Variants in GRIN2D observed in about 807,000 individuals in gnomAD.
GRIN2D encodes the protein glutamate receptor ionotropic, NMDA 2D.
In GRIN2D, 37 loss-of-function variants were observed where a neutral mutation model predicts 103.2. That is an observed-to-expected ratio of 0.36 (90% confidence interval 0.28 to 0.47). The LOEUF (loss-of-function observed/expected upper bound fraction) is 0.47. GRIN2D is among the 20% of genes least tolerant of loss of function. The pLI is 1.00. For missense variants in GRIN2D, 1,557 were observed against 1,910.6 expected (o/e 0.81, Z 3.45); for synonymous variants, 845 against 885.6 (o/e 0.95, Z 0.81).
chr19:48,433,911 C>G (rs2147468233), intron 11 of GRIN2D, among the ~76,000 whole-genome samples: 1 of 151,778 alleles, frequency 6.6e-6, no homozygotes. Context: ...GAAGGCCTCC[C>G]TTGGACCAGT....
intron 4 of GRIN2D, among the ~76,000 whole-genome samples, chr19:48,411,670 TAAG>T (rs888394018): frequency 1.5e-4 from 22 of 151,254 alleles, no homozygotes; most frequent in African/African-American, 5.3e-4. Flanking sequence ...AATAAATAAA[TAAG>T]AAGAATAGTT....
chr19:48,406,400 G>A (rs1377205738), intron 4 of GRIN2D, among the ~76,000 whole-genome samples: 1 of 152,212 alleles, frequency 6.6e-6, no homozygotes, highest in Non-Finnish European at 1.5e-5. Context: ...GAAGCTCTGG[G>A]AGTGGAAAAA....
chr19:48,441,891 C>T lies in GRIN2D; in HGVS notation c.2375C>T (p.Ala792Val). The T allele has an allele frequency of 6.2e-7, 1 of 1,613,336 alleles. No individual in the cohort carries two copies. The highest frequency in any genetic ancestry group is 8.5e-7 in the Non-Finnish European group (1 of 1,179,998). ...TTCGCCACGACAGGCTATGGCATCG[C>T]CCTGCACAAGGGCTCCCGCTGGAAG... is the stretch of plus-strand genomic sequence containing the variant. ...KVFATTGYGI[A>V]LHKGSRWKRP... Residue 792 changes from alanine (A) to valine (V), a missense_variant, in exon 12 of 14, where the codon GCC (alanine) becomes GTC (valine). By Grantham distance (64) the Ala-to-Val change is moderately conservative. Around this residue, in one of 7 missense-constraint regions of GRIN2D, gnomAD observed 138 missense variants for 270.2 expected, o/e 0.51. Coordinates refer to ENST00000263269, the MANE Select transcript of GRIN2D (RefSeq NM_000836.4).
rs1240050094 is a variant in GRIN2D, at chr19:48,394,367, C to T, written c.-305-291C>T. ...AGGAAGGGGCAAGCAGTTCCCCAAG[C>T]AGGCAATCTCCCGCTCCTCACACGC... On this transcript the variant is annotated intron_variant, in intron 1 of 13. Transcript: ENST00000263269. The surrounding 1 kb of genome is among the most constrained non-coding windows in gnomAD (Gnocchi z 5.1). Among the ~76,000 whole-genome samples, 1 of 149,970 alleles carries T rather than the reference C, an allele frequency of 6.7e-6. No homozygotes were observed. The highest frequency in any genetic ancestry group is 2.5e-5 in the African/African-American group (1 of 40,564).
intron 11 of GRIN2D, among the ~76,000 whole-genome samples, chr19:48,424,709 C>A (rs142058373): frequency 6.6e-6 from 1 of 152,274 alleles, no homozygotes; most frequent in African/African-American, 2.4e-5. Flanking sequence ...GCATTTTACA[C>A]TCACAGCACA....
intron 11 of GRIN2D, among the ~76,000 whole-genome samples, chr19:48,425,911 C>T (rs976124901): frequency 3.3e-5 from 5 of 152,194 alleles, no homozygotes; most frequent in East Asian, 1.9e-4. Flanking sequence ...GTGAATTTCC[C>T]GGCTTCTCAT....
At position 48,415,992 on chromosome 19, in the gene GRIN2D, C is replaced by A; in HGVS notation, c.1582-10C>A. 1 of 1,612,002 alleles carries A rather than the reference C, an allele frequency of 6.2e-7. No homozygotes were observed. Among genetic ancestry groups the A allele is most frequent in the Non-Finnish European group, 8.5e-7 (1 of 1,179,044 alleles). On this transcript the variant is annotated splice_polypyrimidine_tract_variant and intron_variant, in intron 7 of 13. Coordinates refer to ENST00000263269, the MANE Select transcript of GRIN2D (RefSeq NM_000836.4). ...GTTCCCCCGCCCACTCCTCATCGCCCCCACCCCAGGTGTTCTACCAGCGCG... is the reference window on the plus strand; with the variant it reads ...GTTCCCCCGCCCACTCCTCATCGCCACCACCCCAGGTGTTCTACCAGCGCG...
intron 11 of GRIN2D, among the ~76,000 whole-genome samples, chr19:48,423,264 G>T (rs113738788): frequency 2.0e-5 from 3 of 151,992 alleles, no homozygotes; most frequent in Admixed American, 1.3e-4. Flanking sequence ...TGCAGCCCAC[G>T]AATACAACAA....
At chr19:48,402,799 A>AGG (rs1174457048) in intron 3 of GRIN2D, among the ~76,000 whole-genome samples, 12 of 139,208 alleles carry the variant, frequency 8.6e-5, no homozygotes, top group Non-Finnish European at 1.7e-4. Context: ...AGAGAGAGAG[A>AGG]GAGAGAATAG....
Position 48,444,100 on chromosome 19 carries a change from A to T in GRIN2D, c.*163A>T. The stretch of plus-strand genomic sequence containing the variant: ...CGCCCCCTGGTTCTGGAGGAACCGC[A>T]AGCCGGAGAGGATTTGGTCCCTCAA... On this transcript the variant is annotated 3_prime_UTR_variant, in exon 14 of 14. Coordinates refer to ENST00000263269, the MANE Select transcript of GRIN2D (RefSeq NM_000836.4). The surrounding 1 kb of genome is among the most constrained non-coding windows in gnomAD (Gnocchi z 5.5). 1 of 455,058 alleles carries T rather than the reference A, an allele frequency of 2.2e-6. No homozygotes were observed. The highest frequency in any genetic ancestry group is 3.8e-6 in the Non-Finnish European group (1 of 264,046). 28.2% of individuals were successfully genotyped at this position (455,058 alleles called of 1,614,324 possible).
chr19:48,402,246 T>A (rs1970725613), intron 3 of GRIN2D, among the ~76,000 whole-genome samples: 1 of 152,032 alleles, frequency 6.6e-6, no homozygotes, highest in Admixed American at 6.6e-5. Context: ...GTTGTGACAG[T>A]GATGGCAGTG....
chr19:48,414,005 T>C lies in GRIN2D; in HGVS notation c.1100T>C (p.Ile367Thr). Residue 367 changes from isoleucine (I) to threonine (T), a missense_variant, in exon 5 of 14, where the codon ATC becomes ACC. Physicochemically the swap from Ile to Thr is moderately conservative, Grantham distance 89 (BLOSUM62 -1). Transcript: ENST00000263269. This position sits in a 1 kb window ranked among gnomAD's most constrained non-coding sequence, Gnocchi z 4.6. ...GESLHRYFMN[I>T]TWDNRDYSFN... ...CTCCTGGGCAGGTACTTCATGAACA[T>C]CACGTGGGATAACCGGGATTACTCC... The C allele has an allele frequency of 3.1e-6, 5 of 1,606,044 alleles. No individual in the cohort carries two copies. The highest frequency in any genetic ancestry group is 4.3e-6 in the Non-Finnish European group (5 of 1,172,734).
intron 11 of GRIN2D, among the ~76,000 whole-genome samples, chr19:48,426,037 A>G (rs1338835553): frequency 6.6e-6 from 1 of 152,022 alleles, no homozygotes; most frequent in Non-Finnish European, 1.5e-5. Flanking sequence ...TGTCTGGCTT[A>G]TTTTCCTCAG....
Position 48,404,911 on chromosome 19 carries a change from T to C in GRIN2D, c.643T>C (p.Trp215Arg), listed in dbSNP as rs1970765512. 1.2e-6 allele frequency: 2 copies of C among 1,613,944 alleles called. No homozygotes were observed. Among genetic ancestry groups the C allele is most frequent in the Non-Finnish European group, 8.5e-7 (1 of 1,180,024 alleles). Residue 215 changes from tryptophan to arginine, a missense_variant, in exon 4 of 14, where the codon TGG becomes CGG. Transcript: ENST00000263269. ...EVLTDGSLVG[W>R]EHRGALTLDP... ...GCTGACTGACGGTAGTCTGGTGGGCTGGGAGCACCGCGGAGCGCTGACGCT... is the reference window on the plus strand; with the variant it reads ...GCTGACTGACGGTAGTCTGGTGGGCCGGGAGCACCGCGGAGCGCTGACGCT...
At chr19:48,396,688 G>A (rs1168267120) in intron 2 of GRIN2D, among the ~76,000 whole-genome samples, 1 of 151,902 alleles carries the variant, frequency 6.6e-6, no homozygotes, top group African/African-American at 2.4e-5. Context: ...TGGGGAGACA[G>A]GGGCCCGAGA....
intron 4 of GRIN2D, among the ~76,000 whole-genome samples, chr19:48,408,331 C>T (rs1222392451): frequency 8.5e-6 from 1 of 118,266 alleles, no homozygotes; most frequent in African/African-American, 4.0e-5. Flanking sequence ...GAGACTCCAT[C>T]TCAAAAAAAA....
At chr19:48,399,414 A>G (rs1026993416) in intron 3 of GRIN2D, among the ~76,000 whole-genome samples, 9 of 152,128 alleles carry the variant, frequency 5.9e-5, no homozygotes, top group African/African-American at 2.2e-4. Flanking sequence ...CTAAATATAC[A>G]AAAATTAGCC....
chr19:48,404,198 C>T (rs1290767941), intron 3 of GRIN2D, among the ~76,000 whole-genome samples: 2 of 151,356 alleles, frequency 1.3e-5, no homozygotes, highest in Non-Finnish European at 2.9e-5. Flanking sequence ...CGAGATTGTG[C>T]CATTGCACTC....
chr19:48,400,783 C>A (rs375603652), intron 3 of GRIN2D, among the ~76,000 whole-genome samples: 6 of 152,098 alleles, frequency 3.9e-5, no homozygotes, highest in African/African-American at 1.4e-4. Flanking sequence ...ACCTCATTTC[C>A]GGCCAGGTGC....
Sources: gnomAD v4.1 joint callset for allele counts (sites outside exome capture counted in the v4.1 genomes callset) on GRCh38, gnomAD v4.1.1 for gene constraint, gnomAD v4.1.1 regional missense constraint, Gnocchi (gnomAD v3.1) non-coding constraint, MANE v1.5 for transcripts, NCBI Gene and HGNC (gene_info 2026-07-23, HGNC 2026-07-21) for gene names.